TRAPPC10: variants seen among roughly 807,000 people sequenced by gnomAD.
The protein encoded by TRAPPC10 is TRAPP 130 kDa subunit.
TRAPPC10 carries 23 observed loss-of-function variants against 125.5 expected under a neutral mutation model. That is an observed-to-expected ratio of 0.18 (90% CI 0.13 to 0.26). The LOEUF (loss-of-function observed/expected upper bound fraction) is 0.26, where lower values mean the gene tolerates loss of function less well. Among genes scored for constraint, TRAPPC10 ranks in the 10% least tolerant of loss-of-function variants. TRAPPC10 has a pLI of 1.00. For missense variants in TRAPPC10, 1,123 were observed against 1,308.4 expected (o/e 0.86, Z 2.19); for synonymous variants, 509 against 518.0 (o/e 0.98, Z 0.24).
chr21:44,085,928 C>T (rs537452943), intron 15 of TRAPPC10, among the ~76,000 whole-genome samples: 2 of 152,280 alleles, frequency 1.3e-5, no homozygotes, highest in South Asian at 4.1e-4. Flanking sequence ...GTTTCTTCTA[C>T]GTGGAAAAAA....
intron 10 of TRAPPC10, 43 bp from the exon 11 acceptor site, chr21:44,077,650 A>G: frequency 7.2e-7 from 1 of 1,398,576 alleles, no homozygotes; most frequent in Admixed American, 1.8e-5. Context: ...TTTGTCCATC[A>G]TTAAAAGTTC....
intron 5 of TRAPPC10, among the ~76,000 whole-genome samples, chr21:44,056,889 G>A (rs1264095011): frequency 6.6e-6 from 1 of 152,050 alleles, no homozygotes; most frequent in Non-Finnish European, 1.5e-5. Flanking sequence ...ATTGTACCAC[G>A]GTCATATAAG....
intron 2 of TRAPPC10, among the ~76,000 whole-genome samples, chr21:44,035,423 G>A (rs2033918996): frequency 6.6e-6 from 1 of 152,214 alleles, no homozygotes; most frequent in Admixed American, 6.5e-5. Context: ...ACATGGATGT[G>A]TGTGTGTGTT....
intron 3 of TRAPPC10, among the ~76,000 whole-genome samples, chr21:44,041,534 G>A (rs2034419247): frequency 6.6e-6 from 1 of 151,832 alleles, no homozygotes; most frequent in Non-Finnish European, 1.5e-5. Flanking sequence ...GCGCCACCAC[G>A]CCCTGCTAAT....
Position 44,083,311 on chromosome 21 carries a change from T to C in TRAPPC10, c.2238+9T>C. On this transcript the variant is annotated intron_variant, in intron 14 of 22. Transcript: ENST00000291574. The stretch of plus-strand genomic sequence containing the variant: ...TAACATTCAGGACTCAGGTATGCGT[T>C]CAGGGTGGGAACTTGACTTTCAAGT... The C allele has an allele frequency of 6.2e-7, 1 of 1,609,674 alleles. No individual in the cohort carries two copies. The highest frequency in any genetic ancestry group is 1.7e-5 in the Admixed American group (1 of 59,716).
At chr21:44,086,635 T>C (rs1206301636) in intron 15 of TRAPPC10, among the ~76,000 whole-genome samples, 167 bp from the exon 16 acceptor site, 1 of 152,090 alleles carries the variant, frequency 6.6e-6, no homozygotes, top group Non-Finnish European at 1.5e-5. Flanking sequence ...ATCATTGAGA[T>C]GAAAAGTTAG....
chr21:44,056,409 A>G (rs1401902802), intron 5 of TRAPPC10, among the ~76,000 whole-genome samples: 1 of 152,130 alleles, frequency 6.6e-6, no homozygotes, highest in African/African-American at 2.4e-5. Context: ...GGGCTTGCAC[A>G]GTCTCACGGT....
intron 19 of TRAPPC10, among the ~76,000 whole-genome samples, chr21:44,093,339 C>T (rs1220460009): frequency 6.6e-6 from 1 of 152,040 alleles, no homozygotes; most frequent in Non-Finnish European, 1.5e-5. Flanking sequence ...CCTGGATTCC[C>T]AGCTACCCAG....
chr21:44,086,836 G>A lies in TRAPPC10; in HGVS notation c.2415G>A (p.Lys805=). The change falls in exon 16 of 23, where the codon AAG becomes AAA. Residue 805 remains lysine (K), a synonymous_variant. Coordinates refer to ENST00000291574, the MANE Select transcript of TRAPPC10 (RefSeq NM_003274.5). The part of the protein sequence containing the change: ...SLLAGIPQRV[K]FTVTTGHYTI... ...TGGCAGGCATTCCTCAGAGAGTCAA[G>A]TTCACTGTCACTACCGGCCATTATA... 6.2e-7 allele frequency: 1 copy of A among 1,614,162 alleles called. No individual in the cohort carries two copies. Among genetic ancestry groups the A allele is most frequent in the Non-Finnish European group, 8.5e-7 (1 of 1,180,016 alleles).
chr21:44,046,900 G>C (rs926592238), intron 3 of TRAPPC10: 4 of 828,818 alleles, frequency 4.8e-6, no homozygotes, highest in Non-Finnish European at 8.4e-6. Context: ...CGGCAGTCGC[G>C]CCCACACGTC....
chr21:44,046,387 T>G, intron 3 of TRAPPC10: 1 of 273,898 alleles, frequency 3.7e-6, no homozygotes, highest in South Asian at 5.0e-5. Context: ...AGTCAGAGAT[T>G]TGTGGGTGTG....
chr21:44,021,048 TTTAGCA>T lies in TRAPPC10; in HGVS notation c.67+8491_67+8496del, dbSNP rs1384858196. ...CCATATAATTAAATAAAAATGTCAC[TTTAGCA>T]TTCTAAGAATTGAGTAAGTAAGCTA... On this transcript the variant is annotated intron_variant, in intron 1 of 22. Transcript: ENST00000291574. Among the ~76,000 whole-genome samples the T allele has an allele frequency of 3.9e-5, 6 of 152,194 alleles. No homozygotes were observed. The East Asian group carries it at 1.2e-3, about 29-fold the overall frequency.
At chr21:44,061,015 G>A (rs1443809837) in intron 6 of TRAPPC10, among the ~76,000 whole-genome samples, 3 of 151,694 alleles carry the variant, frequency 2.0e-5, no homozygotes, top group Non-Finnish European at 2.9e-5. Context: ...TTGGCTCACT[G>A]CAACCTTCTC....
intron 6 of TRAPPC10, among the ~76,000 whole-genome samples, chr21:44,062,031 T>C (rs1218505175): frequency 2.0e-5 from 3 of 152,234 alleles, no homozygotes; most frequent in African/African-American, 7.2e-5. Context: ...GCAGAATAGG[T>C]GCTGGGCAGC....
chr21:44,086,999 C>T (rs767167692), intron 16 of TRAPPC10, 39 bp downstream of exon 16: 4 of 1,608,184 alleles, frequency 2.5e-6, no homozygotes, highest in Non-Finnish European at 2.5e-6. Flanking sequence ...AGGATGCCCA[C>T]CTTGCCCTGC....
Position 44,012,469 on chromosome 21 carries a change from G to C in TRAPPC10, c.-25G>C. 1.4e-6 allele frequency: 2 copies of C among 1,447,536 alleles called. No individual in the cohort carries two copies. The highest frequency in any genetic ancestry group is 1.8e-6 in the Non-Finnish European group (2 of 1,088,180). 89.7% of individuals were successfully genotyped at this position (1,447,536 alleles called of 1,614,324 possible). The stretch of plus-strand genomic sequence containing the variant: ...CGGGGCTGCCCATGGGGCGCGGGGG[G>C]CCGGGCCGGTGACGCCGGACGCCCA... On this transcript the variant is annotated 5_prime_UTR_variant, in exon 1 of 23. Coordinates refer to ENST00000291574, the MANE Select transcript of TRAPPC10 (RefSeq NM_003274.5).
intron 3 of TRAPPC10, chr21:44,046,722 G>A (rs1340357226): frequency 2.7e-6 from 1 of 369,126 alleles, no homozygotes; most frequent in African/African-American, 2.2e-5. Flanking sequence ...TGGTCAGGCT[G>A]GTCTTGAACT....
intron 6 of TRAPPC10, among the ~76,000 whole-genome samples, chr21:44,061,058 C>T (rs936266057): frequency 9.9e-5 from 15 of 152,266 alleles, no homozygotes; most frequent in African/African-American, 3.6e-4. Context: ...TTGCCTCAGC[C>T]TCCCAAATAG....
intron 1 of TRAPPC10, among the ~76,000 whole-genome samples, chr21:44,023,234 G>A (rs544279435): frequency 1.6e-3 from 240 of 151,478 alleles, no homozygotes; most frequent in African/African-American, 5.3e-3. Context: ...GGGTTTCACC[G>A]TGTTAGCCAG....
Sources: allele counts gnomAD v4.1 joint callset (sites outside exome capture counted in the v4.1 genomes callset), GRCh38; gene constraint gnomAD v4.1.1; transcripts MANE v1.5; gene names NCBI Gene and HGNC (gene_info 2026-07-23, HGNC 2026-07-21).